The following METAP2 variants were observed in gnomAD, a reference collection of about 807,000 sequenced individuals.
METAP2 encodes methionyl aminopeptidase 2.
A neutral mutation model predicts 59.4 loss-of-function variants in METAP2; 25 were observed. The observed-to-expected ratio is 0.42, with a 90% CI of 0.31 to 0.59. The LOEUF is 0.59. METAP2 is among the 20% of genes least tolerant of loss of function. The pLI is 0.16. For synonymous variants in METAP2, 214 were observed against 194.1 expected (o/e 1.10, Z -0.85); for missense variants, 366 against 581.2 (o/e 0.63, Z 3.81).
intron 8 of METAP2, among the ~76,000 whole-genome samples, chr12:95,510,700 A>G (rs374588528): frequency 1.4e-4 from 22 of 152,198 alleles, no homozygotes; most frequent in East Asian, 1.3e-3. Flanking sequence ...GTGAGCCACC[A>G]TCTTGGCTTG....
chr12:95,509,847 CTT>C (rs1210964780), intron 8 of METAP2, among the ~76,000 whole-genome samples: 11 of 131,602 alleles, frequency 8.4e-5, no homozygotes, highest in Non-Finnish European at 9.8e-5. Context: ...CCCCCCCAAC[CTT>C]TTTTTTTTTT....
intron 6 of METAP2, 83 bp from the exon 7 acceptor site, chr12:95,495,921 G>C (rs941494186): frequency 1.2e-6 from 1 of 813,596 alleles, no homozygotes; most frequent in Non-Finnish European, 2.0e-6. Flanking sequence ...TGTTAAACTA[G>C]CAAGATTAAT....
At chr12:95,507,394 G>A (rs2076369477) in intron 8 of METAP2, among the ~76,000 whole-genome samples, 1 of 152,234 alleles carries the variant, frequency 6.6e-6, no homozygotes, top group African/African-American at 2.4e-5. Context: ...TTACTTACCT[G>A]ATGAGAAAAA....
intron 8 of METAP2, among the ~76,000 whole-genome samples, chr12:95,510,417 A>G (rs993704825): frequency 1.3e-5 from 2 of 152,228 alleles, no homozygotes; most frequent in Non-Finnish European, 2.9e-5. Context: ...TTCTTGCTGC[A>G]TCATCCTATG....
In METAP2 at chr12:95,485,938, T is replaced by C; in HGVS notation, c.385T>C (p.Phe129Leu). Reference sequence around the variant, plus strand: ...ATGTGACCTGTATCCTAATGGTGTATTTCCCAAAGGACAAGAATGCGAATA... The same window carrying C: ...ATGTGACCTGTATCCTAATGGTGTACTTCCCAAAGGACAAGAATGCGAATA... ...PICDLYPNGV[F>L]PKGQECEYPP... Residue 129 changes from phenylalanine (F) to leucine (L), a missense_variant, in exon 4 of 11, where the codon TTT becomes CTT. Around this residue, in one of 4 missense-constraint regions of METAP2, gnomAD observed 177 missense variants for 180.3 expected, o/e 0.98. Transcript: ENST00000323666. 6.3e-7 allele frequency: 1 copy of C among 1,593,272 alleles called. No individual in the cohort carries two copies. The highest frequency in any genetic ancestry group is 8.5e-7 in the Non-Finnish European group (1 of 1,172,532).
Position 95,490,544 on chromosome 12 carries a change from T to C in METAP2, c.429-3512T>C, listed in dbSNP as rs913544948. Among the ~76,000 whole-genome samples the C allele has an allele frequency of 5.3e-5, 8 of 150,674 alleles. No homozygotes were observed. The East Asian group carries it at 5.8e-4, about 11-fold the overall frequency. ...CAGATGACTGTTGTGAACACTCTTC[T>C]CACACATAGCTTGAAGCCTGTATTT... On this transcript the variant is annotated intron_variant, in intron 4 of 10. Coordinates refer to ENST00000323666, the MANE Select transcript of METAP2 (RefSeq NM_006838.4).
intron 4 of METAP2, among the ~76,000 whole-genome samples, 182 bp downstream of exon 4, chr12:95,486,163 G>T (rs2076195102): frequency 6.6e-6 from 1 of 152,134 alleles, no homozygotes; most frequent in Non-Finnish European, 1.5e-5. Context: ...CAGGTTATTG[G>T]TCATTTAAAA....
intron 4 of METAP2, among the ~76,000 whole-genome samples, chr12:95,492,375 G>T (rs913979308): frequency 6.6e-6 from 1 of 152,056 alleles, no homozygotes; most frequent in Non-Finnish European, 1.5e-5. Context: ...CTTAGTAAAG[G>T]TGTGTTGAGG....
intron 2 of METAP2, among the ~76,000 whole-genome samples, chr12:95,480,135 A>G (rs2076148452): frequency 6.6e-6 from 1 of 152,160 alleles, no homozygotes; most frequent in Non-Finnish European, 1.5e-5. Flanking sequence ...TATCCTATAA[A>G]TGGAATTATT....
intron 8 of METAP2, among the ~76,000 whole-genome samples, chr12:95,509,847 CTTTTTTTTTTT>C (rs1210964780): frequency 7.6e-6 from 1 of 131,634 alleles, no homozygotes; most frequent in South Asian, 2.4e-4. Flanking sequence ...CCCCCCCAAC[CTTTTTTTTTTT>C]TTTTTTTTGA....
intron 7 of METAP2, among the ~76,000 whole-genome samples, chr12:95,496,815 T>C (rs1190839763): frequency 7.0e-6 from 1 of 142,796 alleles, no homozygotes; most frequent in Non-Finnish European, 1.5e-5. Context: ...TATTAACTTT[T>C]TCTTTCTTTT....
intron 8 of METAP2, among the ~76,000 whole-genome samples, chr12:95,510,584 C>CA (rs2140166883): frequency 6.6e-6 from 1 of 152,276 alleles, no homozygotes; most frequent in Non-Finnish European, 1.5e-5. Context: ...TCCCACCTCC[C>CA]AACACCATCA....
chr12:95,493,300 A>T (rs1016940786), intron 4 of METAP2, among the ~76,000 whole-genome samples: 2 of 152,052 alleles, frequency 1.3e-5, no homozygotes, highest in African/African-American at 4.8e-5. Context: ...ACATAGCAAG[A>T]CCCCATTTCT....
intron 2 of METAP2, among the ~76,000 whole-genome samples, chr12:95,477,650 A>C (rs2076130148): frequency 6.6e-6 from 1 of 152,146 alleles, no homozygotes; most frequent in East Asian, 1.9e-4. Context: ...TTTTATTTGT[A>C]GCTGCCTACT....
Position 95,514,711 on chromosome 12 carries a change from G to C in METAP2, c.*807G>C, listed in dbSNP as rs2076433042. 6.6e-6 allele frequency: 1 copy of C among 151,866 alleles called. No individual in the cohort carries two copies. Among genetic ancestry groups the C allele is most frequent in the Non-Finnish European group, 1.5e-5 (1 of 67,990 alleles). 9.4% of individuals were successfully genotyped at this position (151,866 alleles called of 1,614,324 possible). ...TTGTCCAGTGGTGGTGTTTATCAGG[G>C]AATGTATTCAGCTTGCTCAGAAAAC... On this transcript the variant is annotated 3_prime_UTR_variant, in exon 11 of 11. Transcript: ENST00000323666.
chr12:95,499,280 T>A (rs2076298566), intron 7 of METAP2, among the ~76,000 whole-genome samples: 1 of 152,124 alleles, frequency 6.6e-6, no homozygotes, highest in Admixed American at 6.6e-5. Flanking sequence ...TAGTTGGAAC[T>A]ACAGGCTCAT....
chr12:95,476,170 A>G lies in METAP2; in HGVS notation c.251A>G (p.Asp84Gly). 2 of 1,593,684 alleles carry G rather than the reference A, an allele frequency of 1.3e-6. No homozygotes were observed. Among genetic ancestry groups the G allele is most frequent in the Non-Finnish European group, 1.7e-6 (2 of 1,165,662 alleles). Residue 84 changes from aspartate (D) to glycine (G), a missense_variant, in exon 2 of 11, where the codon GAT becomes GGT. Coordinates refer to ENST00000323666, the MANE Select transcript of METAP2 (RefSeq NM_006838.4). ...TTGGAAGATAAAGAAAGAGATGAAG[A>G]TGATGAAGGTAAATGGTTAATTTGA... ...SALEDKERDE[D>G]DEDGDGDGDG...
chr12:95,493,260 C>T lies in METAP2; in HGVS notation c.429-796C>T, dbSNP rs559019058. 4.9e-4 allele frequency among the ~76,000 whole-genome samples: 75 copies of T among 152,206 alleles called. 1 individual carries two copies. The South Asian group carries it at 0.012, about 24-fold the overall frequency. On this transcript the variant is annotated intron_variant, in intron 4 of 10. Coordinates refer to ENST00000323666, the MANE Select transcript of METAP2 (RefSeq NM_006838.4). ...GGAGGCTGAGACAGGGGGATCACTT[C>T]GGGGCAGGAGTTCAAGATCAGCCTG... is the stretch of plus-strand genomic sequence containing the variant.
intron 9 of METAP2, among the ~76,000 whole-genome samples, chr12:95,512,416 G>T (rs1002737276): frequency 6.6e-6 from 1 of 152,036 alleles, no homozygotes; most frequent in African/African-American, 2.4e-5. Context: ...TCAAGAGATG[G>T]TAATTGTAGG....
Sources: gnomAD v4.1 joint callset for allele counts (sites outside exome capture counted in the v4.1 genomes callset) on GRCh38, gnomAD v4.1.1 for gene constraint, gnomAD v4.1.1 regional missense constraint, MANE v1.5 for transcripts, NCBI Gene and HGNC (gene_info 2026-07-23, HGNC 2026-07-21) for gene names.